Variants in ABCA12 observed in about 807,000 individuals in gnomAD.
ABCA12 encodes ATP binding cassette subfamily A member 12, also known as glucosylceramide transporter ABCA12.
A neutral mutation model predicts 293.5 loss-of-function variants in ABCA12; 156 were observed. The ratio of observed to expected loss-of-function variants is 0.53; its 90% CI spans 0.47 to 0.61. The LOEUF is 0.61. ABCA12 is among the 20% of genes least tolerant of loss of function. The probability of loss-of-function intolerance (pLI) is 0.00; values close to 1 mark genes in which losing one functional copy is unlikely to be tolerated. For missense variants in ABCA12, 2,797 were observed against 3,090.2 expected (o/e 0.91, Z 2.25); for synonymous variants, 1,063 against 1,108.0 (o/e 0.96, Z 0.81).
chr2:215,069,779 C>T (rs761779115), intron 2 of ABCA12, among the ~76,000 whole-genome samples: 1 of 152,180 alleles, frequency 6.6e-6, no homozygotes, highest in Non-Finnish European at 1.5e-5. Context: ...AGAGTGACTT[C>T]AGCCTAGGGC....
intron 2 of ABCA12, among the ~76,000 whole-genome samples, chr2:215,065,425 C>T (rs1434092764): frequency 6.7e-6 from 1 of 150,332 alleles, no homozygotes; most frequent in Non-Finnish European, 1.5e-5. Context: ...CATGGCCATG[C>T]ATTAATCTAC....
chr2:215,017,879 C>T (rs541997941), intron 14 of ABCA12, 129 bp downstream of exon 14: 1 of 1,325,132 alleles, frequency 7.5e-7, no homozygotes, highest in African/African-American at 1.5e-5. Flanking sequence ...CCAGGTTTAT[C>T]ACTTGCATAG....
chr2:215,063,250 G>T (rs1282852236), intron 3 of ABCA12, among the ~76,000 whole-genome samples: 1 of 151,946 alleles, frequency 6.6e-6, no homozygotes, highest in African/African-American at 2.4e-5. Flanking sequence ...TATTAAAGGA[G>T]AAATTGTGCT....
intron 30 of ABCA12, among the ~76,000 whole-genome samples, chr2:214,981,986 T>TATTTTA (rs1553524769): frequency 5.4e-5 from 7 of 129,940 alleles, no homozygotes; most frequent in African/African-American, 2.2e-4. Context: ...TTATTATTAT[T>TATTTTA]TTATTATTAT....
intron 3 of ABCA12, among the ~76,000 whole-genome samples, chr2:215,058,969 C>CT (rs1179564432): frequency 6.6e-6 from 1 of 151,934 alleles, no homozygotes; most frequent in East Asian, 1.9e-4. Context: ...CACTGGGTGT[C>CT]TTTTTCCTAT....
intron 17 of ABCA12, 54 bp downstream of exon 17, chr2:215,011,385 G>T: frequency 7.8e-7 from 1 of 1,284,914 alleles, no homozygotes; most frequent in Non-Finnish European, 1.1e-6. Flanking sequence ...AGAATAGACA[G>T]TATTCTTATT....
rs142625793 is a variant in ABCA12, at chr2:215,049,738, T to C, written c.581A>G (p.Asp194Gly). 95 of 1,613,684 alleles carry C rather than the reference T, an allele frequency of 5.9e-5. No individual in the cohort carries two copies. In the African/African-American group the frequency reaches 1.1e-3, roughly 18 times the overall value. ...LCDSYSGYIV[D>G]DAFSWTFLGR... ...TAGAAAGGTCCAAGAGAAGGCATCA[T>C]CCACAATGTATCCTGAATAGCTGTC... The change falls in exon 6 of 53, where the codon GAT becomes GGT. Residue 194 changes from aspartate to glycine, a missense_variant. Around this residue, in one of 3 missense-constraint regions of ABCA12, gnomAD observed 656 missense variants for 638.2 expected, o/e 1.03. Coordinates refer to ENST00000272895, the MANE Select transcript of ABCA12 (RefSeq NM_173076.3).
chr2:214,985,522 A>G (rs1037219774), intron 28 of ABCA12, among the ~76,000 whole-genome samples: 1 of 152,184 alleles, frequency 6.6e-6, no homozygotes, highest in African/African-American at 2.4e-5. Flanking sequence ...TACCTGTGTA[A>G]CAAACCTGCA....
At chr2:215,007,243 G>T (rs544290238) in intron 19 of ABCA12, among the ~76,000 whole-genome samples, 3 of 152,014 alleles carry the variant, frequency 2.0e-5, no homozygotes, top group Non-Finnish European at 4.4e-5. Flanking sequence ...AGATAAATAC[G>T]TTAACGAGAA....
chr2:215,127,053 A>G (rs924335825), intron 1 of ABCA12, among the ~76,000 whole-genome samples: 4 of 152,104 alleles, frequency 2.6e-5, no homozygotes, highest in South Asian at 2.1e-4. Flanking sequence ...TTTTGACCCA[A>G]TGTTCATTCA....
chr2:215,101,064 A>G (rs569217204), intron 2 of ABCA12, among the ~76,000 whole-genome samples: 2 of 152,298 alleles, frequency 1.3e-5, no homozygotes, highest in African/African-American at 4.8e-5. Context: ...TCTTCAATAT[A>G]AGACATGAAG....
intron 2 of ABCA12, chr2:215,085,549 C>CA (rs1702023441): frequency 6.6e-6 from 1 of 152,154 alleles, no homozygotes; most frequent in South Asian, 2.1e-4. Context: ...TTTCATCATG[C>CA]AAAAATCTCA....
intron 8 of ABCA12, among the ~76,000 whole-genome samples, chr2:215,036,288 T>C (rs1700989902): frequency 6.6e-6 from 1 of 152,240 alleles, no homozygotes; most frequent in Admixed American, 6.5e-5. Flanking sequence ...GATTTTGACC[T>C]GATGATCTCA....
rs147656220 is a variant in ABCA12, at chr2:214,975,805, G to A, written c.5361C>T (p.Ser1787=). Residue 1787 remains serine, a synonymous_variant, in exon 34 of 53, where the codon TCC becomes TCT. Coordinates refer to ENST00000272895, the MANE Select transcript of ABCA12 (RefSeq NM_173076.3). ...IQISPSLYGT[S]EQTAFYANYH... ...CTTACGCATAGAAGGCTGTCTGTTC[G>A]GAGGTACCATAAAGAGAGGGGGAGA... 4.8e-4 allele frequency: 771 copies of A among 1,614,030 alleles called. 7 individuals carry two copies. In the African/African-American group the frequency reaches 8.5e-3, roughly 18 times the overall value.
chr2:214,974,136 C>T (rs1320552945), intron 35 of ABCA12, 94 bp from the exon 36 acceptor site: 1 of 1,107,984 alleles, frequency 9.0e-7, no homozygotes, highest in Non-Finnish European at 1.4e-6. Context: ...GTATTAAGTT[C>T]ATGTGTGTAG....
At chr2:214,983,961 G>A (rs550608635) in intron 28 of ABCA12, 96 bp from the exon 29 acceptor site, 1 of 1,009,636 alleles carries the variant, frequency 9.9e-7, no homozygotes, top group East Asian at 2.6e-5. Context: ...AAAAAATACA[G>A]TGTATCTTCT....
chr2:215,127,701 G>A (rs1274757745), intron 1 of ABCA12, among the ~76,000 whole-genome samples: 2 of 152,060 alleles, frequency 1.3e-5, no homozygotes, highest in African/African-American at 2.4e-5. Context: ...TGCTAGATGG[G>A]TCTCCTGAAG....
At chr2:214,948,261 A>G (rs1433886874) in intron 47 of ABCA12, among the ~76,000 whole-genome samples, 1 of 152,222 alleles carries the variant, frequency 6.6e-6, no homozygotes, top group Non-Finnish European at 1.5e-5. Context: ...GTGCTAATCC[A>G]AACACTAAAA....
At chr2:215,044,447 T>C (rs1701162458) in intron 7 of ABCA12, 1 of 152,178 alleles carries the variant, frequency 6.6e-6, no homozygotes, top group African/African-American at 2.4e-5. Flanking sequence ...CTTCTCCTTT[T>C]ACAGATTCAC....
Sources: allele counts gnomAD v4.1 joint callset (sites outside exome capture counted in the v4.1 genomes callset), GRCh38; gene constraint gnomAD v4.1.1; regional missense constraint gnomAD v4.1.1; transcripts MANE v1.5; gene names NCBI Gene and HGNC (gene_info 2026-07-23, HGNC 2026-07-21).